The following PSD3 variants were observed in gnomAD, a reference collection of about 807,000 sequenced individuals.
PSD3 encodes the protein pleckstrin and Sec7 domain containing 3, also known as PH and SEC7 domain-containing protein 3.
Under a neutral mutation model 105.5 loss-of-function variants are expected in PSD3, and 49 were observed. The ratio of observed to expected loss-of-function variants is 0.46; its 90% CI spans 0.37 to 0.59. The LOEUF (loss-of-function observed/expected upper bound fraction) is 0.59, where lower values mean the gene tolerates loss of function less well. PSD3 is among the 20% of genes least tolerant of loss of function. PSD3 has a pLI of 0.00. For missense variants in PSD3, 1,561 were observed against 1,263.8 expected, an observed-to-expected ratio of 1.24 and a Z score of -3.57; for synonymous variants, 557 against 457.8, an observed-to-expected ratio of 1.22 and a Z score of -2.77.
At chr8:18,610,901 T>G (rs913551580) in intron 11 of PSD3, among the ~76,000 whole-genome samples, 5 of 152,144 alleles carry the variant, frequency 3.3e-5, no homozygotes, top group Non-Finnish European at 7.4e-5. Context: ...ATTTCTCCGC[T>G]TTTGGACAAG....
intron 1 of PSD3, among the ~76,000 whole-genome samples, chr8:19,074,915 C>T (rs558475832): frequency 5.2e-4 from 78 of 148,702 alleles, no homozygotes; most frequent in African/African-American, 8.2e-4. Context: ...CCACCGTGCC[C>T]GGCCTAACTC....
At chr8:18,616,628 C>CTTTTTTTTTTTTTTTTTT (rs71217391) in intron 11 of PSD3, among the ~76,000 whole-genome samples, 8 of 126,802 alleles carry the variant, frequency 6.3e-5, no homozygotes, top group Admixed American at 1.7e-4. Context: ...CTTTTCTTTT[C>CTTTTTTTTTTTTTTTTTT]TTTTTTTTTT....
intron 9 of PSD3, among the ~76,000 whole-genome samples, chr8:18,701,453 A>G (rs1186247296): frequency 6.6e-6 from 1 of 152,202 alleles, no homozygotes; most frequent in Non-Finnish European, 1.5e-5. Context: ...AAGCTTACAC[A>G]ATTGAAAACA....
chr8:18,605,147 C>T (rs751984529), intron 11 of PSD3, among the ~76,000 whole-genome samples: 7 of 152,144 alleles, frequency 4.6e-5, no homozygotes, highest in Non-Finnish European at 1.0e-4. Flanking sequence ...ACAGCTTGCA[C>T]CATATATGCC....
chr8:18,827,222 T>C (rs1228258873), intron 4 of PSD3, among the ~76,000 whole-genome samples: 1 of 152,144 alleles, frequency 6.6e-6, no homozygotes, highest in Non-Finnish European at 1.5e-5. Context: ...ACAGAAATAA[T>C]GGACCAACTA....
At chr8:18,772,073 A>G (rs1585916521) in intron 8 of PSD3, among the ~76,000 whole-genome samples, 1 of 152,176 alleles carries the variant, frequency 6.6e-6, no homozygotes, top group East Asian at 1.9e-4. Flanking sequence ...TTCCTTTTTA[A>G]GGCTGAACGA....
In PSD3 at chr8:18,920,273, C is replaced by A. The variant is rs560166653; in HGVS notation, c.130+15761G>T. ...ATTATCCTACAGTGAAATCCATCAA[C>A]AATATAACTGCCTAAATATAAAATT... On this transcript the variant is annotated intron_variant, in intron 2 of 15. Coordinates refer to ENST00000327040, the MANE Select transcript of PSD3 (RefSeq NM_015310.4). Among the ~76,000 whole-genome samples, 82 of 152,222 alleles carry A rather than the reference C, an allele frequency of 5.4e-4. 2 individuals carry two copies. The South Asian group carries it at 0.016, about 30-fold the overall frequency.
At chr8:19,065,024 T>C (rs1340933763) in intron 1 of PSD3, among the ~76,000 whole-genome samples, 1 of 152,078 alleles carries the variant, frequency 6.6e-6, no homozygotes, top group Non-Finnish European at 1.5e-5. Context: ...GGGCTAGTTT[T>C]CCAAAAAAAC....
intron 12 of PSD3, among the ~76,000 whole-genome samples, chr8:18,586,350 G>A (rs1474923085): frequency 1.3e-5 from 2 of 152,056 alleles, no homozygotes; most frequent in Non-Finnish European, 2.9e-5. Flanking sequence ...TTTGTTTTTC[G>A]GAGGGGGAAA....
At chr8:18,931,184 T>C (rs1293397437) in intron 2 of PSD3, among the ~76,000 whole-genome samples, 1 of 152,188 alleles carries the variant, frequency 6.6e-6, no homozygotes, top group African/African-American at 2.4e-5. Context: ...CTCTATGTAT[T>C]CTACATACAA....
chr8:19,080,781 T>G (rs909327152), intron 1 of PSD3, among the ~76,000 whole-genome samples: 2 of 152,102 alleles, frequency 1.3e-5, no homozygotes, highest in Non-Finnish European at 2.9e-5. Flanking sequence ...TTTCGCAAAT[T>G]TAAGGCCATA....
chr8:18,990,278 C>A (rs1170818637), intron 1 of PSD3, among the ~76,000 whole-genome samples: 1 of 152,246 alleles, frequency 6.6e-6, no homozygotes, highest in Admixed American at 6.5e-5. Flanking sequence ...AGGTACCCTC[C>A]TTTAGCCGTA....
chr8:18,771,535 G>A (rs1157206632), intron 8 of PSD3, among the ~76,000 whole-genome samples: 1 of 152,194 alleles, frequency 6.6e-6, no homozygotes, highest in Admixed American at 6.5e-5. Flanking sequence ...AGAAAGCAGA[G>A]ATTCAACTTC....
At chr8:18,944,571 AAAATAAAT>A (rs56700106) in intron 1 of PSD3, among the ~76,000 whole-genome samples, 4,576 of 143,808 alleles carry the variant, frequency 0.032, 152 homozygotes, top group Admixed American at 0.068. Flanking sequence ...ACTCCATCTC[AAAATAAAT>A]AAATAAATAA....
At chr8:18,574,967 TA>T (rs1014335601) in intron 13 of PSD3, among the ~76,000 whole-genome samples, 160 bp downstream of exon 13, 1 of 152,200 alleles carries the variant, frequency 6.6e-6, no homozygotes, top group Admixed American at 6.5e-5. Flanking sequence ...TATTTTTTTT[TA>T]CTCTAATCTT....
intron 1 of PSD3, among the ~76,000 whole-genome samples, chr8:18,959,056 G>A (rs183534980): frequency 6.6e-6 from 1 of 152,070 alleles, no homozygotes; most frequent in Non-Finnish European, 1.5e-5. Context: ...AAGTATCTGG[G>A]ACTACAGGCA....
intron 4 of PSD3, among the ~76,000 whole-genome samples, chr8:18,832,699 C>A (rs1813774710): frequency 1.3e-5 from 2 of 152,214 alleles, no homozygotes; most frequent in Non-Finnish European, 2.9e-5. Flanking sequence ...TGGGCTCACA[C>A]TTCCACATGG....
intron 2 of PSD3, among the ~76,000 whole-genome samples, chr8:18,914,706 T>G (rs1399695752): frequency 3.3e-5 from 5 of 152,078 alleles, no homozygotes; most frequent in Non-Finnish European, 7.4e-5. Context: ...ATGAAAAAAG[T>G]TGAAGTGACA....
At chr8:18,955,410 A>T (rs1179225582) in intron 1 of PSD3, among the ~76,000 whole-genome samples, 1 of 152,154 alleles carries the variant, frequency 6.6e-6, no homozygotes. Flanking sequence ...GTCTTTGTCT[A>T]TTTTAATAAT....
Sources: allele counts gnomAD v4.1 joint callset (sites outside exome capture counted in the v4.1 genomes callset), GRCh38; gene constraint gnomAD v4.1.1; transcripts MANE v1.5; gene names NCBI Gene and HGNC (gene_info 2026-07-23, HGNC 2026-07-21).